Variants in FAM107B observed in about 807,000 individuals in gnomAD.
FAM107B encodes protein FAM107B.
In FAM107B, 21 loss-of-function variants were observed where a neutral mutation model predicts 31.5. The ratio of observed to expected loss-of-function variants is 0.67; its 90% confidence interval spans 0.47 to 0.96. The LOEUF (loss-of-function observed/expected upper bound fraction) is 0.96. FAM107B is among the 40% of genes least tolerant of loss of function. The probability of loss-of-function intolerance (pLI) is 0.00; values close to 1 mark genes in which losing one functional copy is unlikely to be tolerated. For synonymous variants in FAM107B, 157 were observed against 141.5 expected (o/e 1.11, Z -0.78); for missense variants, 452 against 377.1 (o/e 1.20, Z -1.64).
chr10:14,615,143 A>G (rs547248190), intron 2 of FAM107B, among the ~76,000 whole-genome samples: 37 of 152,256 alleles, frequency 2.4e-4, no homozygotes, highest in African/African-American at 8.4e-4. Context: ...AGCCTGTCCA[A>G]TATAGTGAAA....
intron 2 of FAM107B, among the ~76,000 whole-genome samples, chr10:14,594,343 A>G (rs1436628028): frequency 6.6e-6 from 1 of 151,896 alleles, no homozygotes; most frequent in Non-Finnish European, 1.5e-5. Flanking sequence ...CATCTCTACA[A>G]AATATAAAAT....
At chr10:14,738,866 C>T (rs1856370710) in intron 1 of FAM107B, among the ~76,000 whole-genome samples, 1 of 152,184 alleles carries the variant, frequency 6.6e-6, no homozygotes, top group Non-Finnish European at 1.5e-5. Context: ...AACCCCCAAA[C>T]CAGCAGTTTA....
At chr10:14,561,234 G>A (rs1850213968) in intron 2 of FAM107B, among the ~76,000 whole-genome samples, 1 of 152,230 alleles carries the variant, frequency 6.6e-6, no homozygotes, top group Non-Finnish European at 1.5e-5. Flanking sequence ...AGGACACAAA[G>A]CCACTGCCCT....
intron 1 of FAM107B, among the ~76,000 whole-genome samples, chr10:14,757,672 A>C (rs1269036775): frequency 6.6e-6 from 1 of 152,218 alleles, no homozygotes; most frequent in Non-Finnish European, 1.5e-5. Context: ...GCAATGTCAC[A>C]TAGTGAAGCC....
At chr10:14,630,272 T>A (rs1015106811) in intron 2 of FAM107B, among the ~76,000 whole-genome samples, 4 of 87,516 alleles carry the variant, frequency 4.6e-5, no homozygotes, top group Middle Eastern at 5.1e-3. Context: ...ACTTCTCTAC[T>A]GATGCTAAAA....
At chr10:14,562,050 T>C (rs1056078161) in intron 2 of FAM107B, among the ~76,000 whole-genome samples, 9 of 152,210 alleles carry the variant, frequency 5.9e-5, no homozygotes, top group Non-Finnish European at 1.0e-4. Flanking sequence ...CCTCCCAAAG[T>C]GGTAGGATTA....
At chr10:14,603,806 G>A (rs915060723) in intron 2 of FAM107B, among the ~76,000 whole-genome samples, 1 of 151,860 alleles carries the variant, frequency 6.6e-6, no homozygotes, top group Non-Finnish European at 1.5e-5. Flanking sequence ...TGTCTGCCTG[G>A]CGGGGGCTGG....
chr10:14,771,806 A>G (rs1219379661), intron 1 of FAM107B, among the ~76,000 whole-genome samples: 2 of 152,196 alleles, frequency 1.3e-5, no homozygotes, highest in African/African-American at 4.8e-5. Context: ...ATGAGCCACT[A>G]TGCCCAGCCA....
intron 2 of FAM107B, among the ~76,000 whole-genome samples, chr10:14,542,224 C>T (rs533058896): frequency 1.8e-4 from 27 of 149,506 alleles, no homozygotes; most frequent in Non-Finnish European, 3.5e-4. Context: ...GAGCCAAGGT[C>T]GCGCCACTTC....
At chr10:14,729,702 G>T (rs1193646025) in intron 1 of FAM107B, among the ~76,000 whole-genome samples, 1 of 152,160 alleles carries the variant, frequency 6.6e-6, no homozygotes, top group Non-Finnish European at 1.5e-5. Flanking sequence ...ATACCCAAAA[G>T]ATTATAAATC....
intron 1 of FAM107B, among the ~76,000 whole-genome samples, chr10:14,731,549 G>A (rs1371811984): frequency 1.3e-5 from 2 of 152,084 alleles, no homozygotes; most frequent in African/African-American, 4.8e-5. Context: ...GTGACAGAGC[G>A]AGACTCCATC....
intron 2 of FAM107B, among the ~76,000 whole-genome samples, chr10:14,615,613 C>G (rs1218088634): frequency 6.6e-6 from 1 of 152,250 alleles, no homozygotes; most frequent in Non-Finnish European, 1.5e-5. Flanking sequence ...AATCTTAGGT[C>G]TGCCACAAGG....
intron 2 of FAM107B, among the ~76,000 whole-genome samples, chr10:14,578,100 C>A (rs1851520203): frequency 6.6e-6 from 1 of 152,102 alleles, no homozygotes; most frequent in Non-Finnish European, 1.5e-5. Flanking sequence ...AGCTTTCTTT[C>A]CATTTGGAAA....
chr10:14,637,126 A>T (rs112539048), intron 2 of FAM107B, among the ~76,000 whole-genome samples: 8 of 152,146 alleles, frequency 5.3e-5, no homozygotes, highest in African/African-American at 1.9e-4. Flanking sequence ...AACAAGCTTC[A>T]TCGGTGTCTC....
At chr10:14,731,483 G>A (rs1459370723) in intron 1 of FAM107B, among the ~76,000 whole-genome samples, 1 of 152,152 alleles carries the variant, frequency 6.6e-6, no homozygotes, top group Non-Finnish European at 1.5e-5. Flanking sequence ...GATCACTTGA[G>A]CCCAGGAGGC....
intron 2 of FAM107B, among the ~76,000 whole-genome samples, chr10:14,577,286 A>G (rs759857660): frequency 2.6e-5 from 4 of 152,222 alleles, no homozygotes; most frequent in Non-Finnish European, 4.4e-5. Context: ...TCATATTTGC[A>G]TTCTATTGCT....
chr10:14,567,400 A>G lies in FAM107B; in HGVS notation c.470-36885T>C, dbSNP rs949179088. 1.7e-4 allele frequency among the ~76,000 whole-genome samples: 26 copies of G among 152,118 alleles called. 1 individual carries two copies. Among genetic ancestry groups the G allele is most frequent in the African/African-American group, 6.3e-4 (26 of 41,432 alleles). On this transcript the variant is annotated intron_variant, in intron 2 of 4. Coordinates refer to ENST00000181796, the MANE Select transcript of FAM107B (RefSeq NM_031453.4). ...CGAGAGTGAAATGAGAGGAGGAGGG[A>G]TGGGCTCAGTATGAACCTAGAGATT... is the stretch of plus-strand genomic sequence containing the variant.
At chr10:14,658,446 A>T (rs1169060918) in intron 2 of FAM107B, among the ~76,000 whole-genome samples, 1 of 152,254 alleles carries the variant, frequency 6.6e-6, no homozygotes, top group Non-Finnish European at 1.5e-5. Context: ...TCCGTGGATT[A>T]GCATGGTTTG....
chr10:14,653,511 T>G (rs1406277751), intron 2 of FAM107B, among the ~76,000 whole-genome samples: 1 of 152,124 alleles, frequency 6.6e-6, no homozygotes, highest in Non-Finnish European at 1.5e-5. Flanking sequence ...AAGGAAGAGC[T>G]CTGGGAGAAA....
Sources: gnomAD v4.1 joint callset for allele counts (sites outside exome capture counted in the v4.1 genomes callset) on GRCh38, gnomAD v4.1.1 for gene constraint, MANE v1.5 for transcripts, NCBI Gene and HGNC (gene_info 2026-07-23, HGNC 2026-07-21) for gene names.